Variants in SCN3A observed in about 807,000 individuals in gnomAD.
SCN3A encodes the protein sodium channel protein type 3 subunit alpha.
A neutral mutation model predicts 187.6 loss-of-function variants in SCN3A; 60 were observed. The ratio of observed to expected loss-of-function variants is 0.32; its 90% CI spans 0.26 to 0.40. The LOEUF is 0.40. Ranked by LOEUF, SCN3A falls within the 10% of genes least tolerant of loss-of-function variation. The pLI, the probability that SCN3A is intolerant of heterozygous loss-of-function variation, is 1.00. For synonymous variants in SCN3A, 788 were observed against 829.2 expected (o/e 0.95, Z 0.85); for missense variants, 1,601 against 2,428.2 (o/e 0.66, Z 7.16).
At chr2:165,141,094 G>C (rs1687985629) in intron 12 of SCN3A, 96 bp from the exon 13 acceptor site, 1 of 759,072 alleles carries the variant, frequency 1.3e-6, no homozygotes, top group African/African-American at 1.8e-5. Flanking sequence ...GTTTTCTTTG[G>C]AGTTAGTATA....
chr2:165,155,229 T>C (rs992170443), intron 10 of SCN3A, among the ~76,000 whole-genome samples: 7 of 152,192 alleles, frequency 4.6e-5, no homozygotes, highest in African/African-American at 1.2e-4. Context: ...AAGTCCTCAG[T>C]GTACATATAT....
In SCN3A at chr2:165,162,607, C is replaced by A; in HGVS notation, c.916G>T (p.Val306Phe). The A allele has an allele frequency of 6.2e-7, 1 of 1,614,112 alleles. No individual in the cohort carries two copies. Among genetic ancestry groups the A allele is most frequent in the Non-Finnish European group, 8.5e-7 (1 of 1,180,016 alleles). ...TTAAATGTGCTCATTGTTACATTAACAAATGTCCCATTTGAATCCATTGTG... is the reference window on the plus strand; with the variant it reads ...TTAAATGTGCTCATTGTTACATTAAAAAATGTCCCATTTGAATCCATTGTG... Reference protein sequence around the residue: ...NGTMDSNGTFVNVTMSTFNWK... With the variant: ...NGTMDSNGTFFNVTMSTFNWK... Residue 306 changes from valine (V) to phenylalanine (F), a missense_variant, in exon 8 of 28, where the codon GTT (valine) becomes TTT (phenylalanine). By Grantham distance (50) the Val-to-Phe change is conservative. Around this residue, in one of 11 missense-constraint regions of SCN3A, gnomAD observed 104 missense variants for 102.7 expected, o/e 1.01. Coordinates refer to ENST00000283254, the MANE Select transcript of SCN3A (RefSeq NM_006922.4).
intron 2 of SCN3A, among the ~76,000 whole-genome samples, chr2:165,177,071 T>A (rs1345719324): frequency 6.6e-6 from 1 of 152,200 alleles, no homozygotes; most frequent in Non-Finnish European, 1.5e-5. Flanking sequence ...AGCAGGGACA[T>A]GGAAGCCACT....
intron 1 of SCN3A, among the ~76,000 whole-genome samples, chr2:165,199,969 G>A (rs1025811090): frequency 6.6e-6 from 1 of 151,988 alleles, no homozygotes. Context: ...TGTGTGAACC[G>A]ACAATATAAA....
rs376209170 is a variant in SCN3A at position 165,095,437 on chromosome 2, G to T, written c.4431+74C>A. 1.2e-5 allele frequency: 17 copies of T among 1,413,470 alleles called. No homozygotes were observed. The African/African-American group carries it at 1.6e-4, about 13-fold the overall frequency. The allele number at this position is 1,413,470 out of a possible 1,614,324, so 87.6% of individuals were successfully genotyped here. ...TGATTTAAGTCTGTCATGACCACAG[G>T]TATTCTGGTTATTTGGCTGTATTAA... On this transcript the variant is annotated intron_variant, in intron 25 of 27. Coordinates refer to ENST00000283254, the MANE Select transcript of SCN3A (RefSeq NM_006922.4).
At chr2:165,096,989 C>T (rs1413357497) in intron 23 of SCN3A, among the ~76,000 whole-genome samples, 1 of 151,800 alleles carries the variant, frequency 6.6e-6, no homozygotes, top group South Asian at 2.1e-4. Context: ...AAAAATGATA[C>T]CAGTACCCAA....
In SCN3A at chr2:165,137,901, C is replaced by T; in HGVS notation, c.2369G>A (p.Ser790Asn). Residue 790 changes from serine (S) to asparagine (N), a missense_variant, in exon 15 of 28, where the codon AGT becomes AAT. Ser to Asn is a conservative substitution (Grantham distance 46). Coordinates refer to ENST00000283254, the MANE Select transcript of SCN3A (RefSeq NM_006922.4). The stretch of plus-strand genomic sequence containing the variant: ...TACCAGGTTTCCTACAGTCAACACA[C>T]TACTGAATTGCTCAGTCATGGGGTA... ...EHYPMTEQFS[S>N]VLTVGNLVFT... The T allele has an allele frequency of 1.2e-6, 2 of 1,612,432 alleles. No homozygotes were observed. Among genetic ancestry groups the T allele is most frequent in the Non-Finnish European group, 1.7e-6 (2 of 1,178,582 alleles).
chr2:165,181,648 G>C (rs894832014), intron 2 of SCN3A, among the ~76,000 whole-genome samples: 2 of 152,134 alleles, frequency 1.3e-5, no homozygotes, highest in South Asian at 2.1e-4. Context: ...GAAGTGACAG[G>C]CTTTCCCTTT....
chr2:165,122,068 C>T (rs563963960), intron 18 of SCN3A, among the ~76,000 whole-genome samples: 20 of 152,080 alleles, frequency 1.3e-4, no homozygotes, highest in African/African-American at 4.3e-4. Flanking sequence ...CATGATGTTT[C>T]CTTTTTTAAG....
At chr2:165,162,896 C>T in intron 7 of SCN3A, 68 bp from the exon 8 acceptor site, 2 of 1,559,800 alleles carry the variant, frequency 1.3e-6, no homozygotes, top group Non-Finnish European at 1.8e-6. Flanking sequence ...AATAGTCACA[C>T]ACATTCTCTT....
At chr2:165,130,402 C>T (rs1687240797) in intron 16 of SCN3A, 106 bp from the exon 17 acceptor site, 2 of 1,168,480 alleles carry the variant, frequency 1.7e-6, no homozygotes, top group Non-Finnish European at 2.5e-6. Context: ...GATGTAAAAA[C>T]TCAAAATATA....
chr2:165,149,583 C>T (rs1282735638), intron 11 of SCN3A, among the ~76,000 whole-genome samples: 1 of 152,192 alleles, frequency 6.6e-6, no homozygotes, highest in African/African-American at 2.4e-5. Flanking sequence ...ACCTCAGACA[C>T]ATTTTCTGTG....
At chr2:165,192,316 C>T (rs1488627185) in intron 1 of SCN3A, among the ~76,000 whole-genome samples, 1 of 152,086 alleles carries the variant, frequency 6.6e-6, no homozygotes, top group East Asian at 1.9e-4. Context: ...TAAAGTATTT[C>T]CCACTCTAAA....
At position 165,118,773 on chromosome 2, in the gene SCN3A, A is replaced by T. The variant is rs757015463; in HGVS notation, c.3394-3198T>A. ...GGCTAACTTTTATATTTATTTATTT[A>T]TTTTTTTGAGACGGAGTCTCGCTCT... On this transcript the variant is annotated intron_variant, in intron 18 of 27. Transcript: ENST00000283254. 7.6e-5 allele frequency among the ~76,000 whole-genome samples: 11 copies of T among 145,480 alleles called. No homozygotes were observed. The South Asian group carries it at 8.7e-4, about 12-fold the overall frequency.
intron 7 of SCN3A, 71 bp downstream of exon 7, chr2:165,163,547 G>T (rs1689541744): frequency 6.6e-7 from 1 of 1,516,390 alleles, no homozygotes. Flanking sequence ...CAAGGCTAAT[G>T]CTGTAAGTCA....
At chr2:165,164,314 A>G in intron 6 of SCN3A, 78 bp downstream of exon 6, 3 of 1,577,306 alleles carry the variant, frequency 1.9e-6, no homozygotes, top group Non-Finnish European at 2.6e-6. Flanking sequence ...TCTACATTTA[A>G]TATATGACAC....
At chr2:165,138,825 A>T (rs889116088) in intron 14 of SCN3A, among the ~76,000 whole-genome samples, 2 of 152,200 alleles carry the variant, frequency 1.3e-5, no homozygotes, top group African/African-American at 4.8e-5. Flanking sequence ...ATTGACATAT[A>T]ATTGATCTAA....
At chr2:165,162,945 G>A in intron 7 of SCN3A, 117 bp from the exon 8 acceptor site, 2 of 1,209,978 alleles carry the variant, frequency 1.7e-6, no homozygotes, top group South Asian at 1.2e-5. Context: ...AGACACCAAA[G>A]CTGTATGGAT....
chr2:165,194,542 A>T (rs1042548483), intron 1 of SCN3A, among the ~76,000 whole-genome samples: 3 of 142,600 alleles, frequency 2.1e-5, no homozygotes, highest in Non-Finnish European at 4.5e-5. Flanking sequence ...TGCAGCCCAA[A>T]TTTAAACTGT....
Sources: gnomAD v4.1 joint callset for allele counts (sites outside exome capture counted in the v4.1 genomes callset) on GRCh38, gnomAD v4.1.1 for gene constraint, gnomAD v4.1.1 regional missense constraint, MANE v1.5 for transcripts, NCBI Gene and HGNC (gene_info 2026-07-23, HGNC 2026-07-21) for gene names.